The following AHCYL1 variants were observed in gnomAD, a reference collection of about 807,000 sequenced individuals.
AHCYL1 encodes S-adenosylhomocysteine hydrolase-like protein 1.
Under a neutral mutation model 79.3 loss-of-function variants are expected in AHCYL1, and 20 were observed. That is an observed-to-expected ratio of 0.25 (90% CI 0.18 to 0.37). The LOEUF is 0.37. AHCYL1 is among the 10% of genes least tolerant of loss of function. AHCYL1 has a pLI of 1.00. For missense variants in AHCYL1, 330 were observed against 673.6 expected (o/e 0.49, Z 5.65); for synonymous variants, 223 against 242.2 (o/e 0.92, Z 0.74).
At chr1:109,993,922 G>C (rs1328531955) in intron 1 of AHCYL1, among the ~76,000 whole-genome samples, 1 of 152,198 alleles carries the variant, frequency 6.6e-6, no homozygotes, top group Non-Finnish European at 1.5e-5. Flanking sequence ...GCGATGAGTT[G>C]AATAGTTTGA....
At chr1:110,021,100 G>A (rs540090063) in intron 16 of AHCYL1, among the ~76,000 whole-genome samples, 3 of 152,168 alleles carry the variant, frequency 2.0e-5, no homozygotes, top group African/African-American at 4.8e-5. Context: ...TCTTAGCCGG[G>A]TGTGGTGGCG....
rs1014331803 is a variant in AHCYL1, at chr1:110,012,342, A to C, written c.377-20A>C. The C allele has an allele frequency of 1.9e-6, 3 of 1,610,252 alleles. No homozygotes were observed. The highest frequency in any genetic ancestry group is 2.5e-6 in the Non-Finnish European group (3 of 1,177,472). Reference sequence around the variant, plus strand: ...ATACTGCTAGTGCAGACCTAGCTCAAATCCTCTGTTCTTTCACAGACATGT... The same window carrying C: ...ATACTGCTAGTGCAGACCTAGCTCACATCCTCTGTTCTTTCACAGACATGT... On this transcript the variant is annotated intron_variant, in intron 3 of 16. Transcript: ENST00000369799.
At chr1:109,993,142 TATCTC>T (rs1420258348) in intron 1 of AHCYL1, among the ~76,000 whole-genome samples, 2 of 152,236 alleles carry the variant, frequency 1.3e-5, no homozygotes, top group African/African-American at 4.8e-5. Flanking sequence ...TTTTTGGTAT[TATCTC>T]AACTCTACTG....
intron 1 of AHCYL1, among the ~76,000 whole-genome samples, chr1:109,997,194 T>A (rs1650076090): frequency 6.6e-6 from 1 of 152,178 alleles, no homozygotes; most frequent in Admixed American, 6.5e-5. Context: ...AAAAGTCAAG[T>A]CAGAATAAGA....
chr1:110,021,632 T>C (rs1001699609), intron 16 of AHCYL1, 42 bp from the exon 17 acceptor site: 9 of 1,603,774 alleles, frequency 5.6e-6, no homozygotes, highest in Non-Finnish European at 6.8e-6. Flanking sequence ...AATTCTCATA[T>C]GGAAGACATA....
Position 110,011,320 on chromosome 1 carries a change from A to G in AHCYL1, c.339A>G (p.Ala113=). ...TCTGTGTGAAGAACATCAAGCAGGC[A>G]GAATTTGGACGCCGGGAGATTGAGA... is the stretch of plus-strand genomic sequence containing the variant. ...SNFCVKNIKQ[A]EFGRREIEIA... is the part of the protein sequence containing the mutation. Residue 113 remains alanine (A), a synonymous_variant, in exon 3 of 17, where the codon GCA becomes GCG. Transcript: ENST00000369799. 6.2e-7 allele frequency: 1 copy of G among 1,614,178 alleles called. No homozygotes were observed. Among genetic ancestry groups the G allele is most frequent in the Non-Finnish European group, 8.5e-7 (1 of 1,180,008 alleles).
chr1:110,016,004 A>G (rs1446329508), intron 7 of AHCYL1, among the ~76,000 whole-genome samples: 2 of 152,252 alleles, frequency 1.3e-5, no homozygotes, highest in African/African-American at 2.4e-5. Context: ...GAACCATATC[A>G]GAATCATTGA....
chr1:110,008,588 ATT>A (rs10715355), intron 1 of AHCYL1, among the ~76,000 whole-genome samples: 6 of 151,960 alleles, frequency 3.9e-5, no homozygotes, highest in Admixed American at 3.9e-4. Context: ...AAGCAAGACC[ATT>A]TGCCAACTTT....
Position 110,016,340 on chromosome 1 carries a change from T to G in AHCYL1, c.783-4T>G. On this transcript the variant is annotated splice_polypyrimidine_tract_variant and splice_region_variant and intron_variant, in intron 7 of 16. Coordinates refer to ENST00000369799, the MANE Select transcript of AHCYL1 (RefSeq NM_006621.7). ...TTTGTTTTTGTGACCTCTTCTCTCT[T>G]TAGGCTGTATCAGCTCTCCAAAGCT... 6.2e-7 allele frequency: 1 copy of G among 1,608,398 alleles called. No homozygotes were observed. The highest frequency in any genetic ancestry group is 8.5e-7 in the Non-Finnish European group (1 of 1,177,800).
intron 1 of AHCYL1, among the ~76,000 whole-genome samples, chr1:110,007,655 A>G (rs1307973823): frequency 6.6e-6 from 1 of 152,190 alleles, no homozygotes; most frequent in African/African-American, 2.4e-5. Context: ...TGCCAGTATT[A>G]TACAGAGAAG....
chr1:109,990,833 G>A (rs997870924), intron 1 of AHCYL1, among the ~76,000 whole-genome samples: 1 of 152,134 alleles, frequency 6.6e-6, no homozygotes, highest in Non-Finnish European at 1.5e-5. Context: ...TCAGGTGTTT[G>A]GGGTTTTCCC....
chr1:109,985,609 A>C, intron 1 of AHCYL1: 1 of 938,858 alleles, frequency 1.1e-6, no homozygotes, highest in Non-Finnish European at 1.3e-6. Flanking sequence ...TTATCCAACA[A>C]CTGCGTGATA....
rs371518956 is a variant in AHCYL1 at position 109,985,178 on chromosome 1, G to A, written c.120+6G>A. ...TCACCAAGGCGCCCAAGAAGGTGCG[G>A]GGGCTCTGGGTGGCGGCGGGGGCTC... is the stretch of plus-strand genomic sequence containing the variant. On this transcript the variant is annotated splice_donor_region_variant and intron_variant, in intron 1 of 16. Transcript: ENST00000369799. The A allele has an allele frequency of 4.4e-6, 7 of 1,606,594 alleles. No individual in the cohort carries two copies. The highest frequency in any genetic ancestry group is 1.7e-5 in the Admixed American group (1 of 59,394).
intron 4 of AHCYL1, 93 bp downstream of exon 4, chr1:110,012,555 C>T (rs755003104): frequency 8.8e-6 from 9 of 1,022,156 alleles, no homozygotes; most frequent in South Asian, 2.0e-5. Flanking sequence ...ACTCGCCAAC[C>T]TCCAAATGCT....
At chr1:109,999,543 A>G (rs1295159160) in intron 1 of AHCYL1, among the ~76,000 whole-genome samples, 3 of 152,224 alleles carry the variant, frequency 2.0e-5, no homozygotes, top group Non-Finnish European at 2.9e-5. Flanking sequence ...GATTACTTTA[A>G]ATAAATATCT....
intron 1 of AHCYL1, chr1:110,000,981 C>T (rs928727824): frequency 1.0e-6 from 1 of 983,984 alleles, no homozygotes; most frequent in Non-Finnish European, 1.2e-6. Context: ...TTGGTGTCCA[C>T]CCTACTAGTA....
chr1:110,021,677 C>T lies in AHCYL1; in HGVS notation c.1590C>T (p.Tyr530=). The T allele has an allele frequency of 1.2e-6, 2 of 1,612,192 alleles. No individual in the cohort carries two copies. The stretch of plus-strand genomic sequence containing the variant: ...CAATCACTCTCTCTCTTTACAGATA[C>T]TAATGGACCATACTACCAAGGACCA... ...NGPFKPNYYR[Y] Residue 530 remains tyrosine (Y), a synonymous_variant, in exon 17 of 17, where the codon TAC becomes TAT. Coordinates refer to ENST00000369799, the MANE Select transcript of AHCYL1 (RefSeq NM_006621.7).
In AHCYL1 at chr1:110,021,718, A is replaced by G. The variant is rs1407109804; in HGVS notation, c.*38A>G. Reference sequence around the variant, plus strand: ...CCAAGGACCAGTCCACCTGAACCACACACTCTAAAGAAATATTTTTTAAGA... The same window carrying G: ...CCAAGGACCAGTCCACCTGAACCACGCACTCTAAAGAAATATTTTTTAAGA... On this transcript the variant is annotated 3_prime_UTR_variant, in exon 17 of 17. Transcript: ENST00000369799. 5.0e-6 allele frequency: 8 copies of G among 1,595,272 alleles called. No individual in the cohort carries two copies. Among genetic ancestry groups the G allele is most frequent in the Non-Finnish European group, 6.9e-6 (8 of 1,165,124 alleles).
intron 1 of AHCYL1, chr1:110,003,835 T>A: frequency 2.8e-5 from 21 of 750,522 alleles, no homozygotes; most frequent in Non-Finnish European, 3.4e-5. Flanking sequence ...TCCTACTTAC[T>A]GCCTTTTTTC....
Sources: allele counts gnomAD v4.1 joint callset (sites outside exome capture counted in the v4.1 genomes callset), GRCh38; gene constraint gnomAD v4.1.1; transcripts MANE v1.5; gene names NCBI Gene and HGNC (gene_info 2026-07-23, HGNC 2026-07-21).